PTPRK: variants seen among roughly 807,000 people sequenced by gnomAD.
PTPRK encodes protein tyrosine phosphatase receptor type K, also known as receptor-type tyrosine-protein phosphatase kappa.
In PTPRK, 75 loss-of-function variants were observed where a neutral mutation model predicts 178.0. That is an observed-to-expected ratio of 0.42 (90% confidence interval 0.35 to 0.51). The LOEUF (loss-of-function observed/expected upper bound fraction) is 0.51, where lower values mean the gene tolerates loss of function less well. Ranked by LOEUF, PTPRK falls within the 20% of genes least tolerant of loss-of-function variation. The probability of loss-of-function intolerance (pLI) is 0.02; values close to 1 mark genes in which losing one functional copy is unlikely to be tolerated. For missense variants in PTPRK, 1,441 were observed against 1,797.8 expected, an observed-to-expected ratio of 0.80 and a Z score of 3.59; for synonymous variants, 637 against 620.6, an observed-to-expected ratio of 1.03 and a Z score of -0.39.
At chr6:128,020,855 C>T (rs894689971) in intron 13 of PTPRK, among the ~76,000 whole-genome samples, 2 of 152,050 alleles carry the variant, frequency 1.3e-5, no homozygotes, top group African/African-American at 2.4e-5. Context: ...GGTCATTTTC[C>T]ACCAAGGCTT....
intron 1 of PTPRK, among the ~76,000 whole-genome samples, chr6:128,441,758 G>T (rs1273411152): frequency 3.3e-5 from 5 of 152,148 alleles, no homozygotes; most frequent in Non-Finnish European, 7.4e-5. Flanking sequence ...TATACAGAAT[G>T]GTTTACACAT....
chr6:128,305,288 T>C (rs989264555), intron 3 of PTPRK, among the ~76,000 whole-genome samples: 1 of 152,200 alleles, frequency 6.6e-6, no homozygotes, highest in Admixed American at 6.6e-5. Flanking sequence ...CTTCTTTACA[T>C]GAATCACCAA....
chr6:128,249,177 T>C (rs1313304783), intron 3 of PTPRK, among the ~76,000 whole-genome samples: 2 of 151,032 alleles, frequency 1.3e-5, no homozygotes, highest in African/African-American at 2.4e-5. Flanking sequence ...AAATACAGAG[T>C]AGAAGAACAA....
chr6:128,429,006 T>C (rs1844506410), intron 1 of PTPRK, among the ~76,000 whole-genome samples: 1 of 152,242 alleles, frequency 6.6e-6, no homozygotes. Flanking sequence ...TAAAAGTATT[T>C]CTACTTAGAA....
chr6:128,495,486 A>C (rs1854521494), intron 1 of PTPRK, among the ~76,000 whole-genome samples: 1 of 151,986 alleles, frequency 6.6e-6, no homozygotes, highest in Non-Finnish European at 1.5e-5. Flanking sequence ...TAAATGTTAC[A>C]GTTCAAACCA....
intron 29 of PTPRK, 73 bp downstream of exon 29, chr6:127,972,949 G>T: frequency 1.4e-6 from 2 of 1,474,838 alleles, no homozygotes; most frequent in Non-Finnish European, 1.9e-6. Context: ...TGTGTATGAA[G>T]TCAAATCAAT....
At chr6:128,104,540 A>G (rs535470827) in intron 7 of PTPRK, among the ~76,000 whole-genome samples, 4 of 152,298 alleles carry the variant, frequency 2.6e-5, no homozygotes, top group African/African-American at 9.6e-5. Flanking sequence ...GTCTTTCCAT[A>G]CTAAAATACT....
At chr6:128,364,716 T>A (rs1442796547) in intron 2 of PTPRK, among the ~76,000 whole-genome samples, 1 of 152,090 alleles carries the variant, frequency 6.6e-6, no homozygotes, top group Non-Finnish European at 1.5e-5. Flanking sequence ...ATCTCACCTA[T>A]GATTTCACAT....
intron 3 of PTPRK, among the ~76,000 whole-genome samples, chr6:128,265,548 C>T (rs1230900385): frequency 3.9e-5 from 6 of 152,040 alleles, no homozygotes; most frequent in Non-Finnish European, 5.9e-5. Flanking sequence ...CTCCCAAGGT[C>T]GCACAGCTAT....
intron 15 of PTPRK, among the ~76,000 whole-genome samples, chr6:128,001,874 T>C (rs958020952): frequency 3.3e-5 from 5 of 151,888 alleles, no homozygotes; most frequent in Admixed American, 3.3e-4. Flanking sequence ...TGAAATTTAT[T>C]TATTAACTTT....
intron 7 of PTPRK, among the ~76,000 whole-genome samples, chr6:128,129,849 T>C (rs1793943002): frequency 6.6e-6 from 1 of 152,184 alleles, no homozygotes; most frequent in African/African-American, 2.4e-5. Context: ...AGATGTGTCA[T>C]CATGTCAGTT....
chr6:128,083,125 G>A (rs943798451), intron 9 of PTPRK, among the ~76,000 whole-genome samples: 3 of 152,012 alleles, frequency 2.0e-5, no homozygotes, highest in African/African-American at 7.2e-5. Flanking sequence ...GTAGCCATTA[G>A]AAATTTAAGC....
chr6:128,215,950 C>T (rs915754252), intron 6 of PTPRK, among the ~76,000 whole-genome samples: 7 of 151,998 alleles, frequency 4.6e-5, no homozygotes, highest in Admixed American at 6.6e-5. Context: ...AGCTGACCCC[C>T]GAGAGTATGT....
intron 4 of PTPRK, chr6:128,241,448 A>G: frequency 2.6e-6 from 1 of 385,388 alleles, no homozygotes; most frequent in Non-Finnish European, 5.2e-6. Context: ...AGAGTTTGAC[A>G]ACCACTCAGC....
intron 6 of PTPRK, 46 bp from the exon 7 acceptor site, chr6:128,184,771 T>C (rs1802483892): frequency 1.3e-6 from 2 of 1,546,720 alleles, no homozygotes; most frequent in Non-Finnish European, 1.8e-6. Context: ...TTTAAAATAA[T>C]ACAAAGATAT....
chr6:128,247,176 T>C (rs1815620904), intron 3 of PTPRK, among the ~76,000 whole-genome samples: 1 of 152,282 alleles, frequency 6.6e-6, no homozygotes, highest in Non-Finnish European at 1.5e-5. Flanking sequence ...ATATGTGAAA[T>C]GATTAATTAA....
At chr6:128,423,463 G>C (rs1391251875) in intron 1 of PTPRK, among the ~76,000 whole-genome samples, 1 of 151,462 alleles carries the variant, frequency 6.6e-6, no homozygotes, top group Non-Finnish European at 1.5e-5. Flanking sequence ...ACTATTTCTT[G>C]AGTTCTTTAG....
chr6:127,976,291 A>G (rs1774583646), intron 27 of PTPRK, among the ~76,000 whole-genome samples: 1 of 151,752 alleles, frequency 6.6e-6, no homozygotes, highest in Non-Finnish European at 1.5e-5. Flanking sequence ...CAATGTTCTT[A>G]TTTTTTTTAT....
At chr6:127,995,309 ATGTC>A in intron 18 of PTPRK, 149 bp downstream of exon 18, 1 of 1,602,706 alleles carries the variant, frequency 6.2e-7, no homozygotes, top group Non-Finnish European at 8.5e-7. Flanking sequence ...AAGCACAACA[ATGTC>A]AGTAAGTACT....
Sources: gnomAD v4.1 joint callset for allele counts (sites outside exome capture counted in the v4.1 genomes callset) on GRCh38, gnomAD v4.1.1 for gene constraint, MANE v1.5 for transcripts, NCBI Gene and HGNC (gene_info 2026-07-23, HGNC 2026-07-21) for gene names.